The following TTC7A variants were observed in gnomAD, a reference collection of about 807,000 sequenced individuals.
The protein encoded by TTC7A is tetratricopeptide repeat protein 7A.
A neutral mutation model predicts 103.7 loss-of-function variants in TTC7A; 110 were observed. That is an observed-to-expected ratio of 1.06 (90% CI 0.91 to 1.24). The LOEUF is 1.24. Ranked by LOEUF, TTC7A falls within the 50% of genes most tolerant of loss-of-function variation. The probability of loss-of-function intolerance (pLI) is 0.00; values close to 1 mark genes in which losing one functional copy is unlikely to be tolerated. For missense variants in TTC7A, 1,340 were observed against 1,116.3 expected, an observed-to-expected ratio of 1.20 and a Z score of -2.86; for synonymous variants, 521 against 467.9, an observed-to-expected ratio of 1.11 and a Z score of -1.47.
In TTC7A at chr2:47,042,345, T is replaced by TA. The variant is rs201653696; in HGVS notation, c.1803-3964dup. ...AGTGAGACCCCGTCTAACAAAAAATTAAAAAACTAGCTGGGTGTGGTGGCC... is the reference window on the plus strand; with the variant it reads ...AGTGAGACCCCGTCTAACAAAAAATTAAAAAAACTAGCTGGGTGTGGTGGCC... On this transcript the variant is annotated intron_variant, in intron 15 of 19. Coordinates refer to ENST00000319190, the MANE Select transcript of TTC7A (RefSeq NM_020458.4). 5.0e-3 allele frequency among the ~76,000 whole-genome samples: 761 copies of TA among 151,976 alleles called. 7 individuals are homozygous for TA. Among genetic ancestry groups the TA allele is most frequent in the African/African-American group, 0.018 (735 of 41,430 alleles).
At chr2:46,993,046 G>C (rs74499298) in intron 5 of TTC7A, among the ~76,000 whole-genome samples, 4 of 152,176 alleles carry the variant, frequency 2.6e-5, no homozygotes, top group African/African-American at 9.7e-5. Flanking sequence ...GGACAGAGAG[G>C]GGAGGATGGA....
At chr2:47,019,810 T>G (rs1679081937) in intron 11 of TTC7A, among the ~76,000 whole-genome samples, 1 of 152,178 alleles carries the variant, frequency 6.6e-6, no homozygotes, top group Non-Finnish European at 1.5e-5. Context: ...AACTTGTGCT[T>G]GGTGTTTGTA....
chr2:47,047,578 G>A (rs1011725484), intron 16 of TTC7A, among the ~76,000 whole-genome samples: 2 of 152,240 alleles, frequency 1.3e-5, no homozygotes, highest in South Asian at 2.1e-4. Context: ...GGCTGTGGCC[G>A]CACAAGCAGG....
intron 2 of TTC7A, among the ~76,000 whole-genome samples, chr2:46,933,001 A>G (rs1461688789): frequency 3.9e-5 from 6 of 152,046 alleles, no homozygotes; most frequent in African/African-American, 1.4e-4. Context: ...CTTAGGAGTG[A>G]TGGGACTTAA....
At chr2:47,019,392 CA>C (rs1404412760) in intron 11 of TTC7A, among the ~76,000 whole-genome samples, 1 of 151,858 alleles carries the variant, frequency 6.6e-6, no homozygotes, top group African/African-American at 2.4e-5. Flanking sequence ...AAAACACACA[CA>C]AAAAGAAATT....
chr2:47,046,240 C>G (rs982491397), intron 15 of TTC7A, 75 bp from the exon 16 acceptor site: 1 of 1,200,174 alleles, frequency 8.3e-7, no homozygotes, highest in African/African-American at 1.5e-5. Context: ...GTGGAGCCGC[C>G]CTGGTGGGGC....
chr2:46,999,573 T>C, intron 8 of TTC7A: 4 of 985,452 alleles, frequency 4.1e-6, no homozygotes, highest in Non-Finnish European at 4.8e-6. Context: ...TGGACTCCCA[T>C]CTACTGCAGT....
intron 18 of TTC7A, among the ~76,000 whole-genome samples, chr2:47,054,414 G>C (rs1225654716): frequency 6.6e-6 from 1 of 152,090 alleles, no homozygotes; most frequent in Non-Finnish European, 1.5e-5. Flanking sequence ...TCCCTATAAG[G>C]ACATGTCCTG....
intron 5 of TTC7A, among the ~76,000 whole-genome samples, chr2:46,981,197 T>G (rs1429430952): frequency 3.9e-5 from 6 of 152,150 alleles, no homozygotes; most frequent in East Asian, 3.9e-4. Flanking sequence ...TGATACATCT[T>G]TCGTGTTTTT....
chr2:46,953,267 C>T (rs1432964828), intron 2 of TTC7A, among the ~76,000 whole-genome samples: 3 of 152,198 alleles, frequency 2.0e-5, no homozygotes, highest in Non-Finnish European at 4.4e-5. Context: ...GATCATCCTG[C>T]TTCAGCCTCC....
At chr2:46,959,815 G>C (rs1028017976) in intron 3 of TTC7A, among the ~76,000 whole-genome samples, 3 of 152,170 alleles carry the variant, frequency 2.0e-5, no homozygotes, top group Non-Finnish European at 4.4e-5. Context: ...AGTTGCAGCA[G>C]TCTTGGGTTT....
intron 2 of TTC7A, among the ~76,000 whole-genome samples, chr2:46,928,480 A>C (rs1460014378): frequency 1.4e-5 from 2 of 145,726 alleles, no homozygotes; most frequent in Admixed American, 6.9e-5. Context: ...AAAAAAAAAA[A>C]AAAAACTTGG....
intron 2 of TTC7A, chr2:46,951,695 G>A (rs1427991084): frequency 2.2e-6 from 1 of 455,960 alleles, no homozygotes; most frequent in East Asian, 6.9e-5. Context: ...ACAGGAGTGA[G>A]GCACTGCGCC....
chr2:46,937,443 A>T (rs1670036956), upstream of TTC7A, among the ~76,000 whole-genome samples: 1 of 152,186 alleles, frequency 6.6e-6, no homozygotes, highest in East Asian at 1.9e-4. This position sits in a 1 kb window ranked among gnomAD's most constrained non-coding sequence, Gnocchi z 4.0. Flanking sequence ...GCTGAAAGCC[A>T]TTGTAAAAGA....
upstream of TTC7A, among the ~76,000 whole-genome samples, chr2:46,937,760 G>T (rs1171707666): frequency 6.6e-6 from 1 of 152,204 alleles, no homozygotes; most frequent in Non-Finnish European, 1.5e-5. The surrounding 1 kb of genome is among the most constrained non-coding windows in gnomAD (Gnocchi z 4.0). Flanking sequence ...CAAAGGCCAT[G>T]GATTGCATAG....
intron 18 of TTC7A, 145 bp from the exon 19 acceptor site, chr2:47,060,624 T>C: frequency 1.5e-6 from 1 of 687,664 alleles, no homozygotes; most frequent in Non-Finnish European, 2.4e-6. Context: ...CTACATCCTA[T>C]AGTCAGTGTG....
chr2:47,030,069 G>C (rs1680366046), intron 15 of TTC7A, among the ~76,000 whole-genome samples: 2 of 152,210 alleles, frequency 1.3e-5, no homozygotes, highest in African/African-American at 2.4e-5. Flanking sequence ...CTAAGGGCAG[G>C]TGACACTGAG....
intron 19 of TTC7A, among the ~76,000 whole-genome samples, chr2:47,061,560 C>T (rs906038422): frequency 6.6e-6 from 1 of 152,150 alleles, no homozygotes; most frequent in African/African-American, 2.4e-5. Flanking sequence ...ACTTGGGTGT[C>T]CAGGGCACAG....
chr2:46,934,003 C>T (rs980305824), intron 2 of TTC7A, among the ~76,000 whole-genome samples: 2 of 152,062 alleles, frequency 1.3e-5, no homozygotes, highest in African/African-American at 4.8e-5. Context: ...TTGGTGACCT[C>T]CAGCCCAACT....
Sources: allele counts gnomAD v4.1 joint callset (sites outside exome capture counted in the v4.1 genomes callset), GRCh38; gene constraint gnomAD v4.1.1; non-coding constraint Gnocchi (gnomAD v3.1); transcripts MANE v1.5; gene names NCBI Gene and HGNC (gene_info 2026-07-23, HGNC 2026-07-21).